Variants in SORCS1 observed in about 807,000 individuals in gnomAD.
SORCS1 encodes VPS10 domain-containing receptor SorCS1.
Under a neutral mutation model 146.1 loss-of-function variants are expected in SORCS1, and 60 were observed. That is an observed-to-expected ratio of 0.41 (90% CI 0.33 to 0.51). The LOEUF (loss-of-function observed/expected upper bound fraction) is 0.51. Ranked by LOEUF, SORCS1 falls within the 20% of genes least tolerant of loss-of-function variation. The pLI is 0.21. For missense variants in SORCS1, 1,352 were observed against 1,487.6 expected (o/e 0.91, Z 1.50); for synonymous variants, 637 against 584.0 (o/e 1.09, Z -1.31).
chr10:107,083,941 A>G (rs1376128720), intron 1 of SORCS1, among the ~76,000 whole-genome samples: 1 of 152,006 alleles, frequency 6.6e-6, no homozygotes, highest in East Asian at 1.9e-4. Flanking sequence ...TTGGATATTC[A>G]CTCAGGTTTG....
intron 2 of SORCS1, among the ~76,000 whole-genome samples, chr10:106,869,088 T>A (rs985973502): frequency 6.6e-6 from 1 of 152,144 alleles, no homozygotes; most frequent in Non-Finnish European, 1.5e-5. Context: ...CTAGAAATCC[T>A]AGAAGAGATG....
chr10:106,829,687 A>T lies in SORCS1; in HGVS notation c.627-14T>A. 6.3e-7 allele frequency: 1 copy of T among 1,591,748 alleles called. No homozygotes were observed. Among genetic ancestry groups the T allele is most frequent in the East Asian group, 2.3e-5 (1 of 44,314 alleles). On this transcript the variant is annotated splice_polypyrimidine_tract_variant and intron_variant, in intron 2 of 25. Coordinates refer to ENST00000263054, the MANE Select transcript of SORCS1 (RefSeq NM_052918.5). ...TAATCGGTTGACCTATAATCCAAAAAGAGCATTAATGAGGACAGAAGTATA... is the reference window on the plus strand; with the variant it reads ...TAATCGGTTGACCTATAATCCAAAATGAGCATTAATGAGGACAGAAGTATA...
intron 1 of SORCS1, among the ~76,000 whole-genome samples, chr10:107,116,204 A>G (rs1966027621): frequency 6.6e-6 from 1 of 152,110 alleles, no homozygotes; most frequent in Non-Finnish European, 1.5e-5. Context: ...GACAGTAGGA[A>G]GGCTCTTAAA....
intron 1 of SORCS1, among the ~76,000 whole-genome samples, chr10:107,139,158 T>C (rs1014373151): frequency 6.6e-6 from 1 of 152,202 alleles, no homozygotes; most frequent in Admixed American, 6.5e-5. Flanking sequence ...TAAATTCCCA[T>C]TTGCTTAAAT....
rs562999225 is a variant in SORCS1, at chr10:107,111,125, C to A, written c.558+52844G>T. Among the ~76,000 whole-genome samples the A allele has an allele frequency of 8.3e-4, 127 of 152,280 alleles. 2 individuals carry two copies. The highest frequency in any genetic ancestry group is 3.4e-3 in the Middle Eastern group (1 of 292). ...AGACTAGAAGCGGTATTTGCTCCTG[C>A]AAATGCATAGCCATCAATGCAAGGC... On this transcript the variant is annotated intron_variant, in intron 1 of 25. Coordinates refer to ENST00000263054, the MANE Select transcript of SORCS1 (RefSeq NM_052918.5).
At chr10:107,031,217 TATTACATGTGTCAA>T (rs1958638673) in intron 1 of SORCS1, among the ~76,000 whole-genome samples, 1 of 152,264 alleles carries the variant, frequency 6.6e-6, no homozygotes, top group Admixed American at 6.5e-5. Context: ...CCATGAGAAT[TATTACATGTGTCAA>T]TAGTTTCTTC....
intron 17 of SORCS1, among the ~76,000 whole-genome samples, chr10:106,664,730 T>A (rs536624066): frequency 6.6e-6 from 1 of 152,230 alleles, no homozygotes; most frequent in South Asian, 2.1e-4. Flanking sequence ...TTGAGTAGCA[T>A]CTGGAACAAT....
At chr10:106,692,743 T>C (rs1020441234) in intron 9 of SORCS1, among the ~76,000 whole-genome samples, 5 of 152,200 alleles carry the variant, frequency 3.3e-5, no homozygotes, top group African/African-American at 9.7e-5. Flanking sequence ...AAACTTGGAA[T>C]GTTTTAAGCA....
intron 3 of SORCS1, among the ~76,000 whole-genome samples, chr10:106,800,462 C>T (rs1946807611): frequency 6.6e-6 from 1 of 150,500 alleles, no homozygotes; most frequent in Admixed American, 6.6e-5. Context: ...ACCAACATAC[C>T]ATCAACAGCA....
At chr10:106,819,904 T>C (rs1480679796) in intron 3 of SORCS1, among the ~76,000 whole-genome samples, 1 of 152,200 alleles carries the variant, frequency 6.6e-6, no homozygotes, top group Non-Finnish European at 1.5e-5. Context: ...AATTTTATTA[T>C]TTCTTTTTCT....
chr10:106,990,847 G>T (rs1290469872), intron 1 of SORCS1, among the ~76,000 whole-genome samples: 2 of 152,158 alleles, frequency 1.3e-5, no homozygotes, highest in African/African-American at 2.4e-5. Flanking sequence ...ATTAAAAGAG[G>T]TTGTAACTTA....
chr10:106,620,283 A>T, intron 20 of SORCS1, 145 bp downstream of exon 20: 2 of 959,810 alleles, frequency 2.1e-6, no homozygotes, highest in Non-Finnish European at 3.0e-6. Context: ...ATGATGAGAT[A>T]CTTGAGCACC....
intron 22 of SORCS1, among the ~76,000 whole-genome samples, chr10:106,611,415 A>G (rs1349725056): frequency 3.9e-5 from 6 of 152,150 alleles, no homozygotes; most frequent in Admixed American, 3.9e-4. Context: ...AAAATGAGGA[A>G]ATAGAAATAT....
chr10:107,142,396 A>C (rs1565098278), intron 1 of SORCS1, among the ~76,000 whole-genome samples: 1 of 152,236 alleles, frequency 6.6e-6, no homozygotes, highest in Non-Finnish European at 1.5e-5. Flanking sequence ...ACTACACTCC[A>C]AAATGTTTTA....
At chr10:106,800,636 C>T (rs1946820398) in intron 3 of SORCS1, among the ~76,000 whole-genome samples, 2 of 151,238 alleles carry the variant, frequency 1.3e-5, no homozygotes, top group African/African-American at 4.9e-5. Context: ...ATTCCCCTAC[C>T]TCAGCCTCCC....
chr10:107,037,390 G>A (rs1389242118), intron 1 of SORCS1, among the ~76,000 whole-genome samples: 1 of 152,236 alleles, frequency 6.6e-6, no homozygotes, highest in Non-Finnish European at 1.5e-5. Flanking sequence ...TCCTGGGGAG[G>A]AGCAGTAGGC....
At chr10:107,111,012 A>G (rs1177746633) in intron 1 of SORCS1, among the ~76,000 whole-genome samples, 1 of 152,192 alleles carries the variant, frequency 6.6e-6, no homozygotes, top group East Asian at 1.9e-4. Flanking sequence ...ATCCAGCTCA[A>G]TCGCCACAAG....
intron 24 of SORCS1, among the ~76,000 whole-genome samples, chr10:106,591,629 A>T (rs1845608905): frequency 6.6e-6 from 1 of 152,230 alleles, no homozygotes; most frequent in African/African-American, 2.4e-5. Context: ...GATGAAGATG[A>T]TATAAAGATA....
intron 3 of SORCS1, among the ~76,000 whole-genome samples, chr10:106,806,054 C>A (rs1445103517): frequency 1.0e-5 from 1 of 99,120 alleles, no homozygotes. Context: ...AACTAGACTC[C>A]GTCTCAAAAA....
Sources: gnomAD v4.1 joint callset for allele counts (sites outside exome capture counted in the v4.1 genomes callset) on GRCh38, gnomAD v4.1.1 for gene constraint, MANE v1.5 for transcripts, NCBI Gene and HGNC (gene_info 2026-07-23, HGNC 2026-07-21) for gene names.